The following BNC2 variants were observed in gnomAD, a reference collection of about 807,000 sequenced individuals.
BNC2 encodes basonuclin zinc finger protein 2, also known as zinc finger protein basonuclin-2.
Under a neutral mutation model 76.3 loss-of-function variants are expected in BNC2, and 20 were observed. That is an observed-to-expected ratio of 0.26 (90% CI 0.18 to 0.38). BNC2 has a LOEUF of 0.38. Among genes scored for constraint, BNC2 ranks in the 10% least tolerant of loss-of-function variants. The pLI is 1.00. For synonymous variants in BNC2, 582 were observed against 514.8 expected (o/e 1.13, Z -1.77); for missense variants, 1,382 against 1,399.8 (o/e 0.99, Z 0.20).
In BNC2 at chr9:16,766,067, G is replaced by A. The variant is rs185254382; in HGVS notation, c.4-27582C>T. Among the ~76,000 whole-genome samples, 1,261 of 152,264 alleles carry A rather than the reference G, an allele frequency of 8.3e-3. 16 individuals carry two copies. Among genetic ancestry groups the A allele is most frequent in the African/African-American group, 0.028 (1,161 of 41,554 alleles). On this transcript the variant is annotated intron_variant, in intron 1 of 6. Transcript: ENST00000380672. ...CTCCCAAAGTGCTGGGATTACAGGC[G>A]TGAGCCACCGCGCCCGGCACTCATA...
At chr9:16,585,963 A>G (rs1160173506) in intron 3 of BNC2, among the ~76,000 whole-genome samples, 1 of 152,144 alleles carries the variant, frequency 6.6e-6, no homozygotes, top group Admixed American at 6.5e-5. Flanking sequence ...GTTCAGTCAG[A>G]GTGTTCCCAC....
chr9:16,613,622 T>C (rs1018500226), intron 3 of BNC2, among the ~76,000 whole-genome samples: 1 of 152,224 alleles, frequency 6.6e-6, no homozygotes, highest in African/African-American at 2.4e-5. Context: ...ATCCCCCTGC[T>C]ACTTTTCCTG....
rs1818146981 is a variant in BNC2 at position 16,536,915 on chromosome 9, G to A, written c.669+15615C>T. On this transcript the variant is annotated intron_variant, in intron 5 of 6. Transcript: ENST00000380672. ...CTGTATGCTCCTCAAGGTTAGTTCG[G>A]CTATATAGAGGCAATTCCTTCCATT... 2.0e-5 allele frequency among the ~76,000 whole-genome samples: 3 copies of A among 152,008 alleles called. No homozygotes were observed. The South Asian group carries it at 6.2e-4, about 32-fold the overall frequency.
intron 1 of BNC2, among the ~76,000 whole-genome samples, chr9:16,866,825 G>A (rs986848863): frequency 6.6e-6 from 1 of 152,008 alleles, no homozygotes; most frequent in African/African-American, 2.4e-5. Flanking sequence ...GCTCTTCAGA[G>A]GGGATTTTAC....
rs1006869250 is a variant in BNC2 at position 16,411,143 on chromosome 9, C to T, written c.*7846G>A. The T allele has an allele frequency of 3.9e-5, 6 of 152,670 alleles. No individual in the cohort carries two copies. The highest frequency in any genetic ancestry group is 1.2e-4 in the African/African-American group (5 of 41,560). The allele number at this position is 152,670 out of a possible 1,614,324, so 9.5% of individuals were successfully genotyped here. A position where few individuals can be genotyped will look rare whatever the true frequency, so the allele number is the denominator to read the frequency against. On this transcript the variant is annotated 3_prime_UTR_variant, in exon 7 of 7. Coordinates refer to ENST00000380672, the MANE Select transcript of BNC2 (RefSeq NM_017637.6). Reference sequence around the variant, plus strand: ...CAGGGCCAGATGAATGGAGCTCTCTCACACACCCAGGGTCTCCCCAGAGTC... The same window carrying T: ...CAGGGCCAGATGAATGGAGCTCTCTTACACACCCAGGGTCTCCCCAGAGTC...
intron 4 of BNC2, among the ~76,000 whole-genome samples, chr9:16,570,777 A>G (rs777507154): frequency 2.6e-5 from 4 of 152,198 alleles, no homozygotes; most frequent in Non-Finnish European, 4.4e-5. Flanking sequence ...AGTTATCAAC[A>G]AGGCAAAAAC....
chr9:16,481,160 G>A (rs1822046014), intron 5 of BNC2, among the ~76,000 whole-genome samples: 1 of 151,946 alleles, frequency 6.6e-6, no homozygotes, highest in Non-Finnish European at 1.5e-5. Flanking sequence ...CTAATCTGAT[G>A]GGGAGGTGGA....
At position 16,414,435 on chromosome 9, in the gene BNC2, G is replaced by A. The variant is rs1013466607; in HGVS notation, c.*4554C>T. On this transcript the variant is annotated 3_prime_UTR_variant, in exon 7 of 7. Transcript: ENST00000380672. Reference sequence around the variant, plus strand: ...CATCCCCAAAAAATAAACAATGAGAGGGAAAAGCAAAACCACCTAATTTAA... The same window carrying A: ...CATCCCCAAAAAATAAACAATGAGAAGGAAAAGCAAAACCACCTAATTTAA... 1 of 152,142 alleles carries A rather than the reference G, an allele frequency of 6.6e-6. No individual in the cohort carries two copies. The highest frequency in any genetic ancestry group is 2.4e-5 in the African/African-American group (1 of 41,416). The allele number at this position is 152,142 out of a possible 1,614,324, so 9.4% of individuals were successfully genotyped here.
chr9:16,542,567 A>T (rs1048605269), intron 5 of BNC2, among the ~76,000 whole-genome samples: 1 of 152,218 alleles, frequency 6.6e-6, no homozygotes, highest in Non-Finnish European at 1.5e-5. Context: ...GGCTATCGGC[A>T]ACAAATGCCA....
At chr9:16,638,537 A>G (rs1322386220) in intron 3 of BNC2, among the ~76,000 whole-genome samples, 1 of 152,156 alleles carries the variant, frequency 6.6e-6, no homozygotes, top group Non-Finnish European at 1.5e-5. Context: ...TTTCCTACAC[A>G]TGATTCTTCA....
chr9:16,820,780 A>C (rs1305294200), intron 1 of BNC2, among the ~76,000 whole-genome samples: 1 of 152,148 alleles, frequency 6.6e-6, no homozygotes, highest in Non-Finnish European at 1.5e-5. Context: ...CAACATTAAA[A>C]TGAAACAGGC....
At chr9:16,592,945 C>G (rs1476902098) in intron 3 of BNC2, among the ~76,000 whole-genome samples, 1 of 151,924 alleles carries the variant, frequency 6.6e-6, no homozygotes, top group East Asian at 1.9e-4. Flanking sequence ...TTTAAAAATC[C>G]ACTGCCATTT....
Position 16,409,922 on chromosome 9 carries a change from A to G in BNC2, c.*9067T>C, listed in dbSNP as rs890337825. On this transcript the variant is annotated 3_prime_UTR_variant, in exon 7 of 7. Transcript: ENST00000380672. ...GGTTTTATGCAGATGAGAACAATAT[A>G]AACAAAAAAAAGGAATAAACAGCTA... 2.0e-5 allele frequency: 3 copies of G among 151,342 alleles called. No homozygotes were observed. Among genetic ancestry groups the G allele is most frequent in the Non-Finnish European group, 4.4e-5 (3 of 67,650 alleles). The allele number at this position is 151,342 out of a possible 1,614,324, so 9.4% of individuals were successfully genotyped here. A position where few individuals can be genotyped will look rare whatever the true frequency, so the allele number is the denominator to read the frequency against.
At chr9:16,798,628 C>G (rs1350955661) in intron 1 of BNC2, among the ~76,000 whole-genome samples, 1 of 152,052 alleles carries the variant, frequency 6.6e-6, no homozygotes, top group Non-Finnish European at 1.5e-5. Flanking sequence ...ACATTCAAAA[C>G]TACATTAAGG....
At chr9:16,639,837 G>A (rs1293500832) in intron 3 of BNC2, among the ~76,000 whole-genome samples, 6 of 152,080 alleles carry the variant, frequency 3.9e-5, no homozygotes. Context: ...CAGGAGGACT[G>A]CGTAAGCCCA....
rs774647841 is a variant in BNC2, at chr9:16,693,459, T to C, written c.330+34338A>G. ...ACCTGAGAGCATGTCTGAAACTCAT[T>C]TGCATGCCCCACCTGAGACCCACTG... On this transcript the variant is annotated intron_variant, in intron 3 of 6. Transcript: ENST00000380672. Among the ~76,000 whole-genome samples, 12 of 152,068 alleles carry C rather than the reference T, an allele frequency of 7.9e-5. No individual in the cohort carries two copies. The East Asian group carries it at 1.5e-3, about 20-fold the overall frequency.
At chr9:16,665,492 G>GAAAGAA (rs1563888096) in intron 3 of BNC2, among the ~76,000 whole-genome samples, 58 of 128,090 alleles carry the variant, frequency 4.5e-4, no homozygotes, top group African/African-American at 1.3e-3. Context: ...GAAAGAAAGA[G>GAAAGAA]AGAGAGAGAA....
chr9:16,436,782 C>A lies in BNC2; in HGVS notation c.1412G>T (p.Cys471Phe). The stretch of plus-strand genomic sequence containing the variant: ...GACCATGTTGCAACCTTCAATGGTG[C>A]ATCGATGTTTGATCTTCAGGTGAAC... ...NAVHLKIKHR[C>F]TIEGCNMVFS... The change falls in exon 6 of 7, where the codon TGC (cysteine) becomes TTC (phenylalanine). Residue 471 changes from cysteine to phenylalanine, a missense_variant. Coordinates refer to ENST00000380672, the MANE Select transcript of BNC2 (RefSeq NM_017637.6). 6.2e-7 allele frequency: 1 copy of A among 1,614,172 alleles called. No individual in the cohort carries two copies. The highest frequency in any genetic ancestry group is 8.5e-7 in the Non-Finnish European group (1 of 1,180,042).
chr9:16,698,583 C>T (rs1246188616), intron 3 of BNC2, among the ~76,000 whole-genome samples: 1 of 152,070 alleles, frequency 6.6e-6, no homozygotes. Flanking sequence ...ATCCCAGATA[C>T]TCGGGAGGCT....
Sources: gnomAD v4.1 joint callset for allele counts (sites outside exome capture counted in the v4.1 genomes callset) on GRCh38, gnomAD v4.1.1 for gene constraint, MANE v1.5 for transcripts, NCBI Gene and HGNC (gene_info 2026-07-23, HGNC 2026-07-21) for gene names.